The following DIDO1 variants were observed in gnomAD, a reference collection of about 807,000 sequenced individuals.
DIDO1 encodes the protein death inducer-obliterator 1, also known as death-inducer obliterator 1.
Under a neutral mutation model 99.4 loss-of-function variants are expected in DIDO1, and 16 were observed. The ratio of observed to expected loss-of-function variants is 0.16; its 90% confidence interval spans 0.11 to 0.24. The LOEUF is 0.24. Ranked by LOEUF, DIDO1 falls within the 10% of genes least tolerant of loss-of-function variation. The pLI, the probability that DIDO1 is intolerant of heterozygous loss-of-function variation, is 1.00. For synonymous variants in DIDO1, 1,366 were observed against 1,239.1 expected (o/e 1.10, Z -2.15); for missense variants, 2,996 against 3,014.0 (o/e 0.99, Z 0.14).
chr20:62,906,844 A>G lies in DIDO1; in HGVS notation c.1374+303T>C, dbSNP rs190163845. Among the ~76,000 whole-genome samples, 176 of 152,274 alleles carry G rather than the reference A, an allele frequency of 1.2e-3. 2 individuals are homozygous for G. Among genetic ancestry groups the G allele is most frequent in the Admixed American group, 5.4e-3 (83 of 15,294 alleles). ...ACCTGCCTGCAAGTCTACGCTCTAC[A>G]AACTCCACCGGGTGGTTACCAACTC... On this transcript the variant is annotated intron_variant, in intron 5 of 15. Coordinates refer to ENST00000395343, the MANE Select transcript of DIDO1 (RefSeq NM_001193369.2).
chr20:62,932,845 A>G (rs2065344869), intron 1 of DIDO1, among the ~76,000 whole-genome samples: 1 of 152,250 alleles, frequency 6.6e-6, no homozygotes, highest in Admixed American at 6.5e-5. Flanking sequence ...GGGAGGGGGA[A>G]GGTCACCTAT....
intron 1 of DIDO1, among the ~76,000 whole-genome samples, chr20:62,922,609 G>C: frequency 6.6e-6 from 1 of 152,162 alleles, no homozygotes; most frequent in Non-Finnish European, 1.5e-5. Flanking sequence ...CTGTGAAATG[G>C]GGACGGTAAC....
chr20:62,911,764 G>T lies in DIDO1; in HGVS notation c.-2-150C>A. ...TTCTGACCAGTGTTTCCTAATGTGTGCTATGTGAGATGATTCAAGATGATT... is the reference window on the plus strand; with the variant it reads ...TTCTGACCAGTGTTTCCTAATGTGTTCTATGTGAGATGATTCAAGATGATT... On this transcript the variant is annotated intron_variant, in intron 2 of 15. Coordinates refer to ENST00000395343, the MANE Select transcript of DIDO1 (RefSeq NM_001193369.2). The surrounding 1 kb of genome is among the most constrained non-coding windows in gnomAD (Gnocchi z 7.0). 1.7e-6 allele frequency: 1 copy of T among 602,190 alleles called. No homozygotes were observed. Among genetic ancestry groups the T allele is most frequent in the Non-Finnish European group, 2.7e-6 (1 of 367,708 alleles). 37.3% of individuals were successfully genotyped at this position (602,190 alleles called of 1,614,324 possible). A position where few individuals can be genotyped will look rare whatever the true frequency, so the allele number is the denominator to read the frequency against.
intron 1 of DIDO1, among the ~76,000 whole-genome samples, chr20:62,916,601 A>G (rs2065042780): frequency 6.6e-6 from 1 of 152,230 alleles, no homozygotes; most frequent in Non-Finnish European, 1.5e-5. Context: ...AAAAATGAAC[A>G]GGAAGAGTGG....
intron 1 of DIDO1, among the ~76,000 whole-genome samples, chr20:62,919,262 T>A (rs2065092453): frequency 1.3e-5 from 2 of 152,162 alleles, no homozygotes; most frequent in Admixed American, 1.3e-4. Flanking sequence ...CAAAAATTAT[T>A]CTGGGCCGGG....
chr20:62,917,467 C>T (rs747316697), intron 1 of DIDO1, among the ~76,000 whole-genome samples: 4 of 152,146 alleles, frequency 2.6e-5, no homozygotes, highest in African/African-American at 4.8e-5. Flanking sequence ...AAATACTGTT[C>T]GTTTTTTCTT....
intron 14 of DIDO1, 56 bp downstream of exon 14, chr20:62,891,931 G>A: frequency 1.4e-6 from 2 of 1,435,454 alleles, no homozygotes; most frequent in Admixed American, 2.0e-5. Context: ...AAAAAAAGAT[G>A]TGTTTAAATC....
intron 1 of DIDO1, chr20:62,937,733 C>T (rs2065408062): frequency 2.5e-6 from 1 of 397,778 alleles, no homozygotes; most frequent in African/African-American, 2.1e-5. Context: ...CGCGGACACC[C>T]GGCGCCTTTC....
Position 62,906,032 on chromosome 20 carries a change from C to T in DIDO1, c.1443G>A (p.Lys481=). The change falls in exon 6 of 16, where the codon AAG becomes AAA. Residue 481 remains lysine, a synonymous_variant. Coordinates refer to ENST00000395343, the MANE Select transcript of DIDO1 (RefSeq NM_001193369.2). The part of the protein sequence containing the change: ...APEKKETTVK[K]AVVVPARSEA... ...CACTCCGCGCAGGGACCACCACTGC[C>T]TTCTTCACTGTGGTCTCTTTTTTTT... The T allele has an allele frequency of 6.2e-7, 1 of 1,613,944 alleles. No homozygotes were observed. Among genetic ancestry groups the T allele is most frequent in the Non-Finnish European group, 8.5e-7 (1 of 1,180,042 alleles).
upstream of DIDO1, among the ~76,000 whole-genome samples, chr20:62,930,461 C>T (rs1286506815): frequency 1.3e-5 from 2 of 152,220 alleles, no homozygotes; most frequent in East Asian, 3.8e-4. Flanking sequence ...AAAACAGAAA[C>T]AGAAGTTAAA....
At position 62,885,156 on chromosome 20, in the gene DIDO1, G is replaced by A. The variant is rs2064277531; in HGVS notation, c.3542-2742C>T. Among the ~76,000 whole-genome samples, 2 of 152,328 alleles carry A rather than the reference G, an allele frequency of 1.3e-5. 1 individual carries two copies. Among genetic ancestry groups the A allele is most frequent in the South Asian group, 4.2e-4 (2 of 4,816 alleles). ...TGGGGTGAAGGGCACTGAGGCTCAG[G>A]CTGAGTTCTGTAAGCCGGGCTCTGT... is the stretch of plus-strand genomic sequence containing the variant. On this transcript the variant is annotated intron_variant, in intron 15 of 15. Coordinates refer to ENST00000395343, the MANE Select transcript of DIDO1 (RefSeq NM_001193369.2).
chr20:62,894,064 C>T lies in DIDO1; in HGVS notation c.2703G>A (p.Glu901=), dbSNP rs1285963193. 3 of 1,614,244 alleles carry T rather than the reference C, an allele frequency of 1.9e-6. No individual in the cohort carries two copies. The highest frequency in any genetic ancestry group is 4.5e-5 in the East Asian group (2 of 44,896). Residue 901 remains glutamate (E), a synonymous_variant, in exon 12 of 16, where the codon GAG becomes GAA. Coordinates refer to ENST00000395343, the MANE Select transcript of DIDO1 (RefSeq NM_001193369.2). The surrounding 1 kb of genome is among the most constrained non-coding windows in gnomAD (Gnocchi z 4.4). The stretch of plus-strand genomic sequence containing the variant: ...CTTCAGGCACAGCCTCCGGCATCAC[C>T]TCATCAGCTGAATCCGGAGCTGGGT... ...APDPAPDSAD[E]VMPEAVPEVA...
intron 6 of DIDO1, among the ~76,000 whole-genome samples, chr20:62,900,021 G>C (rs1052202851): frequency 6.6e-6 from 1 of 152,220 alleles, no homozygotes; most frequent in African/African-American, 2.4e-5. Context: ...CTTCAGAGAA[G>C]GGCAAGCAGC....
At position 62,881,391 on chromosome 20, in the gene DIDO1, G is replaced by A. The variant is rs2064202975; in HGVS notation, c.4565C>T (p.Ser1522Phe). Residue 1522 changes from serine (S) to phenylalanine (F), a missense_variant, in exon 16 of 16, where the codon TCT (serine) becomes TTT (phenylalanine). Physicochemically the swap from Ser to Phe is radical, Grantham distance 155. Transcript: ENST00000395343. The surrounding 1 kb of genome is among the most constrained non-coding windows in gnomAD (Gnocchi z 8.3). ...AHFSVSDALM[S>F]PPPKSSLPKA... ...GGGCAAGGACGACTTTGGTGGTGGA[G>A]ACATCAAGGCGTCCGACACCGAGAA... The A allele has an allele frequency of 6.2e-7, 1 of 1,606,670 alleles. No homozygotes were observed.
Position 62,892,062 on chromosome 20 carries a change from T to C in DIDO1, c.3270A>G (p.Thr1090=). 4 of 1,612,282 alleles carry C rather than the reference T, an allele frequency of 2.5e-6. No homozygotes were observed. Among genetic ancestry groups the C allele is most frequent in the Non-Finnish European group, 3.4e-6 (4 of 1,179,662 alleles). Residue 1090 remains threonine, a synonymous_variant, in exon 14 of 16, where the codon ACA becomes ACG. Coordinates refer to ENST00000395343, the MANE Select transcript of DIDO1 (RefSeq NM_001193369.2). ...FDYLSEDLPD[T]IHIGGRIAPK... ...GTGCGATCCTCCCACCAATGTGAAT[T>C]GTGTCAGGCAAATCCTAAACAGAAA...
chr20:62,880,960 C>T lies in DIDO1; in HGVS notation c.4996G>A (p.Gly1666Ser). ...AGCGGGAAGCCGGGCTGCAGGGCGC[C>T]GCAAGGCGGTGTGGGCAGCAGCACC... ...RRVLLPTPPC[G>S]ALQPGFPLQH... The change falls in exon 16 of 16, where the codon GGC becomes AGC. Residue 1666 changes from glycine (G) to serine (S), a missense_variant. This residue lies in a region of DIDO1 where 1,562 missense variants were observed against 1,412.6 expected (regional missense o/e 1.11). Transcript: ENST00000395343. 5 of 1,607,064 alleles carry T rather than the reference C, an allele frequency of 3.1e-6. No individual in the cohort carries two copies. Among genetic ancestry groups the T allele is most frequent in the Middle Eastern group, 1.7e-4 (1 of 6,058 alleles).
intron 1 of DIDO1, among the ~76,000 whole-genome samples, chr20:62,936,322 G>C (rs1461441964): frequency 1.3e-5 from 2 of 152,122 alleles, no homozygotes; most frequent in Non-Finnish European, 2.9e-5. Context: ...GGGAGGCCGA[G>C]GTGGGTGATC....
chr20:62,889,866 A>T lies in DIDO1; in HGVS notation c.3541+1094T>A, dbSNP rs562405000. The T allele has an allele frequency of 6.1e-6, 6 of 985,488 alleles. No individual in the cohort carries two copies. In the East Asian group the frequency reaches 5.7e-4, roughly 93 times the overall value. 61.0% of individuals were successfully genotyped at this position (985,488 alleles called of 1,614,324 possible). ...AATATTTAACCCTGAAATTACTGAT[A>T]CCAACCAATCCCTTTATGGACATAT... On this transcript the variant is annotated intron_variant, in intron 15 of 15. Transcript: ENST00000395343.
At chr20:62,905,028 CAGA>C (rs1287054429) in intron 6 of DIDO1, 1 of 988,840 alleles carries the variant, frequency 1.0e-6, no homozygotes, top group Non-Finnish European at 1.2e-6. Flanking sequence ...AGTTTTATAG[CAGA>C]AAACTGAGAA....
Sources: allele counts gnomAD v4.1 joint callset (sites outside exome capture counted in the v4.1 genomes callset), GRCh38; gene constraint gnomAD v4.1.1; regional missense constraint gnomAD v4.1.1; non-coding constraint Gnocchi (gnomAD v3.1); transcripts MANE v1.5; gene names NCBI Gene and HGNC (gene_info 2026-07-23, HGNC 2026-07-21).